EYS: variants seen among roughly 807,000 people sequenced by gnomAD.
The protein encoded by EYS is EGF-like photoreceptor maintenance factor, also known as protein eyes shut homolog.
Under a neutral mutation model 282.1 loss-of-function variants are expected in EYS, and 250 were observed. The observed-to-expected ratio is 0.89, with a 90% CI of 0.80 to 0.98. The LOEUF is 0.98. EYS is among the 50% of genes least tolerant of loss of function. The probability of loss-of-function intolerance (pLI) is 0.00; values close to 1 mark genes in which losing one functional copy is unlikely to be tolerated. For synonymous variants in EYS, 1,355 were observed against 1,282.9 expected, an observed-to-expected ratio of 1.06 and a Z score of -1.20; for missense variants, 4,016 against 3,709.0, an observed-to-expected ratio of 1.08 and a Z score of -2.15.
chr6:65,404,802 A>T (rs1302979589), intron 6 of EYS, among the ~76,000 whole-genome samples: 1 of 151,990 alleles, frequency 6.6e-6, no homozygotes. Flanking sequence ...AATGACAAAT[A>T]TGAATCTAAA....
At chr6:63,941,081 C>G (rs2149758004) in intron 35 of EYS, among the ~76,000 whole-genome samples, 1 of 152,266 alleles carries the variant, frequency 6.6e-6, no homozygotes, top group Middle Eastern at 3.4e-3. Context: ...TCCAGACTAT[C>G]ACTGATGGAC....
chr6:64,470,592 T>C (rs1205819995), intron 26 of EYS, among the ~76,000 whole-genome samples: 1 of 152,108 alleles, frequency 6.6e-6, no homozygotes, highest in South Asian at 2.1e-4. Context: ...CTATAGCTAA[T>C]GAGCTAAAAA....
intron 26 of EYS, among the ~76,000 whole-genome samples, chr6:64,562,783 C>A (rs1765439885): frequency 6.6e-6 from 1 of 151,816 alleles, no homozygotes; most frequent in African/African-American, 2.4e-5. Context: ...ACTGGTAACA[C>A]AATTTTTAGT....
intron 36 of EYS, among the ~76,000 whole-genome samples, chr6:63,859,672 T>C (rs1247116821): frequency 1.3e-5 from 2 of 151,590 alleles, no homozygotes; most frequent in African/African-American, 2.4e-5. Context: ...AGATTATTCT[T>C]GCATAAGGAG....
At chr6:64,866,946 C>T (rs1326649141) in intron 19 of EYS, among the ~76,000 whole-genome samples, 2 of 151,646 alleles carry the variant, frequency 1.3e-5, no homozygotes, top group Non-Finnish European at 3.0e-5. Context: ...GATCTATCAC[C>T]TTCATATTCC....
intron 24 of EYS, among the ~76,000 whole-genome samples, chr6:64,602,978 G>C (rs1228532253): frequency 2.0e-5 from 3 of 152,106 alleles, no homozygotes; most frequent in Middle Eastern, 3.4e-3. Context: ...GAGGAAAAAT[G>C]CAAGCTGGTA....
intron 8 of EYS, among the ~76,000 whole-genome samples, chr6:65,383,660 C>T (rs377034826): frequency 1.8e-4 from 28 of 151,470 alleles, no homozygotes; most frequent in African/African-American, 5.8e-4. Context: ...TCCCATCTAC[C>T]TCCCTATAGT....
chr6:65,150,804 A>C (rs1764593957), intron 12 of EYS, among the ~76,000 whole-genome samples: 1 of 151,942 alleles, frequency 6.6e-6, no homozygotes, highest in Non-Finnish European at 1.5e-5. Flanking sequence ...TTTATCTCCC[A>C]AATTTATTGT....
rs1181429667 is a variant in EYS at position 64,274,875 on chromosome 6, GA to G, written c.6191+32094del. Among the ~76,000 whole-genome samples, 416 of 145,558 alleles carry G rather than the reference GA, an allele frequency of 2.9e-3. 1 individual carries two copies. The highest frequency in any genetic ancestry group is 8.5e-3 in the African/African-American group (341 of 39,896). Reference sequence around the variant, plus strand: ...ATCCCTATTTGTTGACTGAATAAATGAAAAAAAAAAAGTTTGAATGCCTAGT... The same window carrying G: ...ATCCCTATTTGTTGACTGAATAAATGAAAAAAAAAAGTTTGAATGCCTAGT... On this transcript the variant is annotated intron_variant, in intron 30 of 42. Coordinates refer to ENST00000503581, the MANE Select transcript of EYS (RefSeq NM_001142800.2).
chr6:63,754,389 A>G (rs1051826259), intron 41 of EYS, among the ~76,000 whole-genome samples: 3 of 151,528 alleles, frequency 2.0e-5, no homozygotes, highest in Admixed American at 1.3e-4. Context: ...TCCCCACCCT[A>G]TGTCCATGTG....
chr6:65,577,761 A>C (rs1764725988), intron 2 of EYS, among the ~76,000 whole-genome samples: 1 of 151,388 alleles, frequency 6.6e-6, no homozygotes, highest in South Asian at 2.1e-4. Flanking sequence ...AAAAAAAAAA[A>C]AAATGGACAA....
intron 2 of EYS, among the ~76,000 whole-genome samples, chr6:65,525,006 C>A (rs1006543244): frequency 6.6e-6 from 1 of 151,928 alleles, no homozygotes; most frequent in South Asian, 2.1e-4. Flanking sequence ...CGTTGCTGGG[C>A]CCATGCATAA....
At chr6:64,151,317 TTATA>T (rs61575285) in intron 31 of EYS, among the ~76,000 whole-genome samples, 3,214 of 52,088 alleles carry the variant, frequency 0.062, 43 homozygotes, top group South Asian at 0.09. Flanking sequence ...GTGTGTATAT[TTATA>T]TATATATATA....
intron 2 of EYS, among the ~76,000 whole-genome samples, chr6:65,539,727 T>C (rs1768094094): frequency 6.6e-6 from 1 of 152,166 alleles, no homozygotes; most frequent in Non-Finnish European, 1.5e-5. Flanking sequence ...TTACAGCAGT[T>C]TGCTTTAAAA....
intron 31 of EYS, among the ~76,000 whole-genome samples, chr6:64,180,852 C>T (rs2150311526): frequency 6.6e-6 from 1 of 152,140 alleles, no homozygotes; most frequent in East Asian, 1.9e-4. Flanking sequence ...GCAGGTTTGT[C>T]ACATTGGCAT....
chr6:65,329,846 C>G, intron 11 of EYS: 1 of 981,956 alleles, frequency 1.0e-6, no homozygotes, highest in Non-Finnish European at 1.2e-6. Context: ...CCTCCTGACT[C>G]TACAGAAATA....
Position 65,234,510 on chromosome 6 carries a change from T to C in EYS, c.2023+61353A>G, listed in dbSNP as rs182154109. Among the ~76,000 whole-genome samples the C allele has an allele frequency of 7.2e-5, 11 of 152,304 alleles. No homozygotes were observed. In the East Asian group the frequency reaches 1.5e-3, roughly 21 times the overall value. On this transcript the variant is annotated intron_variant, in intron 12 of 42. Transcript: ENST00000503581. Reference sequence around the variant, plus strand: ...AGTGATGTAGCCTTTGGAGCTCTAATTGAAGATCACCATCATTTCTACAGC... The same window carrying C: ...AGTGATGTAGCCTTTGGAGCTCTAACTGAAGATCACCATCATTTCTACAGC...
At chr6:64,894,196 C>T (rs1272835128) in intron 18 of EYS, among the ~76,000 whole-genome samples, 2 of 151,924 alleles carry the variant, frequency 1.3e-5, no homozygotes, top group African/African-American at 2.4e-5. Context: ...CTAATGTTTA[C>T]CAATATAAAG....
intron 22 of EYS, among the ~76,000 whole-genome samples, chr6:64,634,180 A>G (rs940017522): frequency 6.6e-6 from 1 of 152,004 alleles, no homozygotes; most frequent in African/African-American, 2.4e-5. Context: ...CACAGGGTTT[A>G]CCCATGTTGG....
Sources: gnomAD v4.1 joint callset for allele counts (sites outside exome capture counted in the v4.1 genomes callset) on GRCh38, gnomAD v4.1.1 for gene constraint, MANE v1.5 for transcripts, NCBI Gene and HGNC (gene_info 2026-07-23, HGNC 2026-07-21) for gene names.